The following EML1 variants were observed in gnomAD, a reference collection of about 807,000 sequenced individuals.
EML1 encodes echinoderm microtubule-associated protein-like 1.
Under a neutral mutation model 110.4 loss-of-function variants are expected in EML1, and 27 were observed. The observed-to-expected ratio is 0.24, with a 90% CI of 0.18 to 0.34. The LOEUF (loss-of-function observed/expected upper bound fraction) is 0.34. Among genes scored for constraint, EML1 ranks in the 10% least tolerant of loss-of-function variants. The pLI is 1.00. For synonymous variants in EML1, 344 were observed against 385.8 expected (o/e 0.89, Z 1.27); for missense variants, 741 against 1,030.9 (o/e 0.72, Z 3.85).
chr14:99,805,809 T>C (rs567062909), intron 1 of EML1, among the ~76,000 whole-genome samples: 1 of 152,030 alleles, frequency 6.6e-6, no homozygotes, highest in Non-Finnish European at 1.5e-5. Context: ...AAAAATTTAA[T>C]CATGGTAAAA....
At chr14:99,921,274 A>G (rs1009828837) in intron 17 of EML1, among the ~76,000 whole-genome samples, 4 of 152,130 alleles carry the variant, frequency 2.6e-5, no homozygotes, top group African/African-American at 9.7e-5. Context: ...ATGGCTGCAT[A>G]TTATTCCATG....
chr14:99,885,526 C>A (rs1211403542), intron 4 of EML1, among the ~76,000 whole-genome samples: 5 of 152,202 alleles, frequency 3.3e-5, no homozygotes. Context: ...CACAGCCATT[C>A]AAGAACTATG....
In EML1 at chr14:99,861,589, C is replaced by A. The variant is rs185329856; in HGVS notation, c.251-3925C>A. Among the ~76,000 whole-genome samples, 113 of 152,274 alleles carry A rather than the reference C, an allele frequency of 7.4e-4. 1 individual carries two copies. The East Asian group carries it at 0.02, about 27-fold the overall frequency. ...CTCTGCCTCCCGGGTTCAAGCAATT[C>A]TCCTGCCTCAGCATCCTTAGTAGCT... On this transcript the variant is annotated intron_variant, in intron 2 of 21. Coordinates refer to ENST00000262233, the MANE Select transcript of EML1 (RefSeq NM_004434.3).
intron 1 of EML1, among the ~76,000 whole-genome samples, chr14:99,807,534 C>T (rs904517479): frequency 3.9e-4 from 59 of 152,184 alleles, no homozygotes; most frequent in African/African-American, 1.2e-3. Flanking sequence ...GGCACAGTCC[C>T]ACCCTAGGCC....
At chr14:99,755,540 C>T (rs1050245159) in intron 1 of EML1, among the ~76,000 whole-genome samples, 5 of 152,154 alleles carry the variant, frequency 3.3e-5, no homozygotes, top group Admixed American at 6.5e-5. Context: ...TTAGTGGTGC[C>T]AGCTGTGGAG....
chr14:99,911,314 T>C (rs1229047214), intron 12 of EML1, 108 bp from the exon 13 acceptor site: 1 of 1,277,784 alleles, frequency 7.8e-7, no homozygotes, highest in Non-Finnish European at 1.1e-6. Flanking sequence ...TGCAATGATG[T>C]GCTCACGGAC....
intron 1 of EML1, among the ~76,000 whole-genome samples, chr14:99,843,458 T>C (rs61986004): frequency 0.34 from 52,374 of 152,134 alleles, 9,635 homozygotes; most frequent in South Asian, 0.49. Context: ...AATTACAGCT[T>C]ATATTTATTT....
intron 1 of EML1, among the ~76,000 whole-genome samples, chr14:99,780,655 G>T (rs8009879): frequency 0.31 from 47,886 of 152,030 alleles, 8,697 homozygotes; most frequent in African/African-American, 0.5. Flanking sequence ...AGTGGGTCAG[G>T]GATGGACTGC....
intron 1 of EML1, among the ~76,000 whole-genome samples, chr14:99,815,318 T>C (rs2058149694): frequency 6.6e-6 from 1 of 152,062 alleles, no homozygotes; most frequent in Admixed American, 6.5e-5. Context: ...ATTTTTTGTA[T>C]TTTTAATAGA....
rs577192069 is a variant in EML1 at position 99,936,654 on chromosome 14, G to A, written c.2095+320G>A. On this transcript the variant is annotated intron_variant, in intron 19 of 21. Transcript: ENST00000262233. The surrounding 1 kb of genome is among the most constrained non-coding windows in gnomAD (Gnocchi z 5.5). ...GGGGCGGGTCCGGGTGGATGTGGCC[G>A]AAGTGGGTGGGTCCGGAGCTGTCCA... Among the ~76,000 whole-genome samples, 307 of 152,170 alleles carry A rather than the reference G, an allele frequency of 2.0e-3. 1 individual carries two copies. The highest frequency in any genetic ancestry group is 7.0e-3 in the African/African-American group (292 of 41,536).
chr14:99,818,630 C>T lies in EML1; in HGVS notation c.67+25087C>T, dbSNP rs1425979786. Among the ~76,000 whole-genome samples the T allele has an allele frequency of 2.6e-5, 4 of 152,110 alleles. No homozygotes were observed. In the East Asian group the frequency reaches 7.7e-4, roughly 29 times the overall value. On this transcript the variant is annotated intron_variant, in intron 1 of 21. Coordinates refer to ENST00000262233, the MANE Select transcript of EML1 (RefSeq NM_004434.3). Reference sequence around the variant, plus strand: ...CACTCTATCTTCAGGCAGAAGTGTCCAGAAGGAGTCAGAGCTGGAGCTTGA... The same window carrying T: ...CACTCTATCTTCAGGCAGAAGTGTCTAGAAGGAGTCAGAGCTGGAGCTTGA...
intron 17 of EML1, among the ~76,000 whole-genome samples, chr14:99,921,367 C>G (rs916625570): frequency 6.6e-6 from 1 of 152,164 alleles, no homozygotes; most frequent in Non-Finnish European, 1.5e-5. Context: ...ATTGTATTCA[C>G]TACTTTAAAA....
At chr14:99,871,123 A>AT (rs1474871944) in intron 3 of EML1, among the ~76,000 whole-genome samples, 2 of 151,922 alleles carry the variant, frequency 1.3e-5, no homozygotes, top group Non-Finnish European at 2.9e-5. Context: ...TATCCAGCTA[A>AT]TTTTTTTGTA....
chr14:99,825,844 C>T, intron 1 of EML1, among the ~76,000 whole-genome samples: 1 of 152,134 alleles, frequency 6.6e-6, no homozygotes, highest in Non-Finnish European at 1.5e-5. Context: ...TTGGAGAGGA[C>T]ATAAGGGAAG....
intron 16 of EML1, among the ~76,000 whole-genome samples, chr14:99,919,425 G>GACACACACACAGACACACACAC (rs1555404814): frequency 2.3e-4 from 22 of 97,556 alleles, no homozygotes; most frequent in Middle Eastern, 5.6e-3. Flanking sequence ...CATGCACACA[G>GACACACACACAGACACACACAC]ACACACACAC....
At chr14:99,758,750 G>C (rs1595246141) in intron 1 of EML1, among the ~76,000 whole-genome samples, 1 of 152,196 alleles carries the variant, frequency 6.6e-6, no homozygotes, top group South Asian at 2.1e-4. Context: ...AGGCTGAGGA[G>C]CACCGAGTCG....
chr14:99,818,168 A>G (rs2058200950), intron 1 of EML1, among the ~76,000 whole-genome samples: 1 of 152,158 alleles, frequency 6.6e-6, no homozygotes, highest in South Asian at 2.1e-4. Flanking sequence ...GCCAGATCCC[A>G]AAGACAATGG....
At chr14:99,756,841 C>T (rs1376004640) in intron 1 of EML1, among the ~76,000 whole-genome samples, 1 of 152,162 alleles carries the variant, frequency 6.6e-6, no homozygotes, top group East Asian at 1.9e-4. Flanking sequence ...TCTCACGTCC[C>T]CTTTCCTGTG....
At chr14:99,869,589 G>A (rs539510816) in intron 3 of EML1, among the ~76,000 whole-genome samples, 74 of 152,114 alleles carry the variant, frequency 4.9e-4, no homozygotes, top group Non-Finnish European at 9.0e-4. Context: ...GACATGATTC[G>A]GCTTAATGAG....
Sources: gnomAD v4.1 joint callset for allele counts (sites outside exome capture counted in the v4.1 genomes callset) on GRCh38, gnomAD v4.1.1 for gene constraint, Gnocchi (gnomAD v3.1) non-coding constraint, MANE v1.5 for transcripts, NCBI Gene and HGNC (gene_info 2026-07-23, HGNC 2026-07-21) for gene names.